The following TBCD variants were observed in gnomAD, a reference collection of about 807,000 sequenced individuals.
The protein encoded by TBCD is tubulin-specific chaperone D.
In TBCD, 105 loss-of-function variants were observed where a neutral mutation model predicts 169.3. The ratio of observed to expected loss-of-function variants is 0.62; its 90% CI spans 0.53 to 0.73. The LOEUF (loss-of-function observed/expected upper bound fraction) is 0.73. Ranked by LOEUF, TBCD falls within the 30% of genes least tolerant of loss-of-function variation. The pLI is 0.00. For missense variants in TBCD, 1,444 were observed against 1,600.1 expected (o/e 0.90, Z 1.66); for synonymous variants, 700 against 643.9 (o/e 1.09, Z -1.32).
rs1182862935 is a variant in TBCD at position 82,832,171 on chromosome 17, A to T, written c.1318+17237A>T. The T allele has an allele frequency of 6.2e-7, 1 of 1,614,104 alleles. No individual in the cohort carries two copies. The highest frequency in any genetic ancestry group is 2.2e-5 in the East Asian group (1 of 44,892). On this transcript the variant is annotated intron_variant, in intron 13 of 38. Coordinates refer to ENST00000355528, the MANE Select transcript of TBCD (RefSeq NM_005993.5). This position sits in a 1 kb window ranked among gnomAD's most constrained non-coding sequence, Gnocchi z 4.9. Reference sequence around the variant, plus strand: ...CTGAAGCTTCGAGTCGAAGGCAGAGAGTCCATTTGCGACAGACTTGGAAGA... The same window carrying T: ...CTGAAGCTTCGAGTCGAAGGCAGAGTGTCCATTTGCGACAGACTTGGAAGA...
chr17:82,764,350 C>G (rs1379636172), intron 3 of TBCD, among the ~76,000 whole-genome samples: 1 of 152,196 alleles, frequency 6.6e-6, no homozygotes, highest in South Asian at 2.1e-4. Flanking sequence ...AAACTTCTTA[C>G]AAGGAGAAAG....
chr17:82,845,059 C>T (rs1230142205), intron 13 of TBCD, among the ~76,000 whole-genome samples: 2 of 152,084 alleles, frequency 1.3e-5, no homozygotes, highest in Non-Finnish European at 2.9e-5. Flanking sequence ...GGGGTAAGCA[C>T]CGGTGCCAGT....
rs570409629 is a variant in TBCD, at chr17:82,768,517, C to G, written c.533C>G (p.Pro178Arg). Reference sequence around the variant, plus strand: ...CTTGACGGGAACCTCCTCACCCAGCCTGGGCAAGCACGAATGTCCATAATG... The same window carrying G: ...CTTGACGGGAACCTCCTCACCCAGCGTGGGCAAGCACGAATGTCCATAATG... ...SRLDGNLLTQ[P>R]GQARMSIMDR... The change falls in exon 5 of 39, where the codon CCT (proline) becomes CGT (arginine). Residue 178 changes from proline to arginine, a missense_variant. Coordinates refer to ENST00000355528, the MANE Select transcript of TBCD (RefSeq NM_005993.5). 4.3e-6 allele frequency: 7 copies of G among 1,613,898 alleles called. No individual in the cohort carries two copies. The African/African-American group carries it at 8.0e-5, about 18-fold the overall frequency.
At chr17:82,817,990 C>G (rs2052068534) in intron 13 of TBCD, among the ~76,000 whole-genome samples, 1 of 152,046 alleles carries the variant, frequency 6.6e-6, no homozygotes, top group Non-Finnish European at 1.5e-5. Context: ...GAATGAAGTC[C>G]CTGCCTGTGG....
chr17:82,855,430 C>T (rs1243557318), intron 13 of TBCD, among the ~76,000 whole-genome samples: 2 of 151,508 alleles, frequency 1.3e-5, no homozygotes, highest in African/African-American at 4.8e-5. Context: ...CCGTGCCCGG[C>T]TAATTTTTTT....
At chr17:82,758,404 T>TAAAAAAAAAAAAAAA (rs1312618695) in intron 2 of TBCD, among the ~76,000 whole-genome samples, 1 of 79,428 alleles carries the variant, frequency 1.3e-5, no homozygotes, top group Admixed American at 2.0e-4. Flanking sequence ...AAAAAAAAAA[T>TAAAAAAAAAAAAAAA]AAATAAATAA....
At chr17:82,775,746 T>TGGGGGGA (rs1380833542) in intron 6 of TBCD, among the ~76,000 whole-genome samples, 1 of 46,302 alleles carries the variant, frequency 2.2e-5, no homozygotes, top group Non-Finnish European at 3.9e-5. Context: ...TGTTGTGGGG[T>TGGGGGGA]GGGGGGAGGG....
chr17:82,900,632 T>G lies in TBCD; in HGVS notation c.1650-19T>G, dbSNP rs1276813865. On this transcript the variant is annotated intron_variant, in intron 17 of 38. Coordinates refer to ENST00000355528, the MANE Select transcript of TBCD (RefSeq NM_005993.5). Reference sequence around the variant, plus strand: ...TCGTTCTTCCGCGTCTCACCACCTCTCCATGCTGTCTTTTCCAGTGTGTTT... The same window carrying G: ...TCGTTCTTCCGCGTCTCACCACCTCGCCATGCTGTCTTTTCCAGTGTGTTT... 1.2e-6 allele frequency: 2 copies of G among 1,610,278 alleles called. No individual in the cohort carries two copies. Among genetic ancestry groups the G allele is most frequent in the Non-Finnish European group, 1.7e-6 (2 of 1,176,698 alleles).
rs150925000 is a variant in TBCD, at chr17:82,816,963, C to T, written c.1318+2029C>T. On this transcript the variant is annotated intron_variant, in intron 13 of 38. Coordinates refer to ENST00000355528, the MANE Select transcript of TBCD (RefSeq NM_005993.5). Reference sequence around the variant, plus strand: ...ACACTGAGCATTTTCTGTGTTTGCCCGTTTGTATGTCTTCTTTGGAGAAAT... The same window carrying T: ...ACACTGAGCATTTTCTGTGTTTGCCTGTTTGTATGTCTTCTTTGGAGAAAT... Among the ~76,000 whole-genome samples, 248 of 151,744 alleles carry T rather than the reference C, an allele frequency of 1.6e-3. 4 individuals carry two copies. Among genetic ancestry groups the T allele is most frequent in the African/African-American group, 5.5e-3 (226 of 41,334 alleles).
At position 82,903,241 on chromosome 17, in the gene TBCD, G is replaced by A. The variant is rs946545773; in HGVS notation, c.1731-164G>A. The stretch of plus-strand genomic sequence containing the variant: ...TTGTAGACTGTCCTTGTCGTCTGTT[G>A]GAGTCGGAGGTTCTTGTACTGGTTC... On this transcript the variant is annotated intron_variant, in intron 18 of 38. Coordinates refer to ENST00000355528, the MANE Select transcript of TBCD (RefSeq NM_005993.5). The surrounding 1 kb of genome is among the most constrained non-coding windows in gnomAD (Gnocchi z 4.8). 1.3e-5 allele frequency among the ~76,000 whole-genome samples: 2 copies of A among 152,240 alleles called. No homozygotes were observed. The highest frequency in any genetic ancestry group is 4.8e-5 in the African/African-American group (2 of 41,460).
chr17:82,890,232 A>C lies in TBCD; in HGVS notation c.1563+535A>C, dbSNP rs1047857913. Among the ~76,000 whole-genome samples, 3 of 151,880 alleles carry C rather than the reference A, an allele frequency of 2.0e-5. No individual in the cohort carries two copies. Among genetic ancestry groups the C allele is most frequent in the Non-Finnish European group, 4.4e-5 (3 of 68,020 alleles). ...GTGAATGGGGGGCCCCAGGTTACTC[A>C]TGTTGTGTGTGATGACGTCACATCT... On this transcript the variant is annotated intron_variant, in intron 16 of 38. Coordinates refer to ENST00000355528, the MANE Select transcript of TBCD (RefSeq NM_005993.5). This position sits in a 1 kb window ranked among gnomAD's most constrained non-coding sequence, Gnocchi z 5.3.
intron 21 of TBCD, chr17:82,908,311 C>T (rs1203644747): frequency 4.4e-6 from 2 of 456,840 alleles, no homozygotes; most frequent in East Asian, 1.4e-4. Flanking sequence ...GCATCTGCAG[C>T]TGGGGTCTGA....
intron 18 of TBCD, 73 bp downstream of exon 18, chr17:82,900,804 C>T: frequency 1.8e-6 from 2 of 1,123,064 alleles, no homozygotes; most frequent in South Asian, 1.3e-5. Context: ...AGCTTATAAG[C>T]CTTGAGTGTA....
At chr17:82,858,739 A>T (rs2056519201) in intron 13 of TBCD, 1 of 813,102 alleles carries the variant, frequency 1.2e-6, no homozygotes, top group Non-Finnish European at 1.5e-6. Context: ...AAATCGACTG[A>T]GTGTGTGAAG....
chr17:82,792,200 C>T (rs908988161), intron 7 of TBCD, among the ~76,000 whole-genome samples: 17 of 151,720 alleles, frequency 1.1e-4, no homozygotes, highest in African/African-American at 3.6e-4. Flanking sequence ...CCCAGCGACT[C>T]GGGAAGCCGA....
At chr17:82,844,206 C>CATGTGTGTGTGTGTGT (rs150371119) in intron 13 of TBCD, among the ~76,000 whole-genome samples, 2 of 127,410 alleles carry the variant, frequency 1.6e-5, no homozygotes, top group South Asian at 2.9e-4. Flanking sequence ...GGATGTTCTC[C>CATGTGTGTGTGTGTGT]GTGTGTGTGT....
chr17:82,786,541 C>G (rs2049328391), intron 7 of TBCD, among the ~76,000 whole-genome samples: 1 of 152,338 alleles, frequency 6.6e-6, no homozygotes, highest in Non-Finnish European at 1.5e-5. Flanking sequence ...CGTCCCCACC[C>G]CATGCTGTTG....
intron 7 of TBCD, among the ~76,000 whole-genome samples, chr17:82,788,131 G>A (rs570221778): frequency 6.6e-6 from 1 of 152,258 alleles, no homozygotes; most frequent in Non-Finnish European, 1.5e-5. Flanking sequence ...CCAGCTACTT[G>A]GGAGGCTGAG....
chr17:82,867,273 A>G (rs935707047), intron 13 of TBCD, among the ~76,000 whole-genome samples: 16 of 152,328 alleles, frequency 1.1e-4, no homozygotes, highest in African/African-American at 1.4e-4. Context: ...GCCTGAGGCC[A>G]TTGTCCATGC....
Sources: gnomAD v4.1 joint callset for allele counts (sites outside exome capture counted in the v4.1 genomes callset) on GRCh38, gnomAD v4.1.1 for gene constraint, Gnocchi (gnomAD v3.1) non-coding constraint, MANE v1.5 for transcripts, NCBI Gene and HGNC (gene_info 2026-07-23, HGNC 2026-07-21) for gene names.